Variants in MAP3K7 observed in about 807,000 individuals in gnomAD.
MAP3K7 encodes the protein TGF-beta activated kinase 1.
A neutral mutation model predicts 84.8 loss-of-function variants in MAP3K7; 21 were observed. The observed-to-expected ratio is 0.25, with a 90% CI of 0.18 to 0.36. The LOEUF is 0.36. Ranked by LOEUF, MAP3K7 falls within the 10% of genes least tolerant of loss-of-function variation. The probability of loss-of-function intolerance (pLI) is 1.00; values close to 1 mark genes in which losing one functional copy is unlikely to be tolerated. For missense variants in MAP3K7, 503 were observed against 747.7 expected, an observed-to-expected ratio of 0.67 and a Z score of 3.82; for synonymous variants, 241 against 247.7, an observed-to-expected ratio of 0.97 and a Z score of 0.25.
chr6:90,513,808 G>A lies in MAP3K7; in HGVS notation c.*2693C>T, dbSNP rs1774875379. On this transcript the variant is annotated 3_prime_UTR_variant, in exon 17 of 17. Transcript: ENST00000369329. ...TTCACAGGGAAGACCTGTGATCTCT[G>A]GCTACAGGAGCTGAAATTAGGAACA... 1 of 151,996 alleles carries A rather than the reference G, an allele frequency of 6.6e-6. No homozygotes were observed. Among genetic ancestry groups the A allele is most frequent in the African/African-American group, 2.4e-5 (1 of 41,384 alleles). 9.4% of individuals were successfully genotyped at this position (151,996 alleles called of 1,614,324 possible).
chr6:90,579,358 T>C (rs1055548674), intron 1 of MAP3K7, among the ~76,000 whole-genome samples: 3 of 152,174 alleles, frequency 2.0e-5, no homozygotes, highest in Non-Finnish European at 4.4e-5. Flanking sequence ...CTGTCTCTGC[T>C]TAAGAGTTCT....
At position 90,556,572 on chromosome 6, in the gene MAP3K7, C is replaced by A; in HGVS notation, c.535G>T (p.Ala179Ser). Reference protein sequence around the residue: ...TVLKICDFGTACDIQTHMTNN... With the variant: ...TVLKICDFGTSCDIQTHMTNN... ...GTCATGTGTGTCTGAATGTCACAGG[C>A]TGTACCAAAATCACAAATTTTTAGA... The change falls in exon 6 of 17, where the codon GCC becomes TCC. Residue 179 changes from alanine (A) to serine (S), a missense_variant. Coordinates refer to ENST00000369329, the MANE Select transcript of MAP3K7 (RefSeq NM_145331.3). The A allele has an allele frequency of 6.2e-7, 1 of 1,613,378 alleles. No individual in the cohort carries two copies. The highest frequency in any genetic ancestry group is 8.5e-7 in the Non-Finnish European group (1 of 1,179,662).
Position 90,583,788 on chromosome 6 carries a change from AAC to A in MAP3K7, c.120+2974_120+2975del, listed in dbSNP as rs1212442945. 3.3e-5 allele frequency among the ~76,000 whole-genome samples: 5 copies of A among 152,296 alleles called. No individual in the cohort carries two copies. The East Asian group carries it at 9.6e-4, about 29-fold the overall frequency. The stretch of plus-strand genomic sequence containing the variant: ...CACTTTCCACTATACTACCCTGTGT[AAC>A]ACTTCTTGCAACCCATCCCCTCTTT... On this transcript the variant is annotated intron_variant, in intron 1 of 16. Coordinates refer to ENST00000369329, the MANE Select transcript of MAP3K7 (RefSeq NM_145331.3).
intron 6 of MAP3K7, 92 bp from the exon 7 acceptor site, chr6:90,553,678 G>A: frequency 5.7e-6 from 6 of 1,055,116 alleles, no homozygotes; most frequent in Non-Finnish European, 8.3e-6. Flanking sequence ...TGGGTATCAG[G>A]GATAAAAATG....
Position 90,586,858 on chromosome 6 carries a change from G to A in MAP3K7, c.26C>T (p.Ser9Phe), listed in dbSNP as rs139666795. 458 of 1,611,302 alleles carry A rather than the reference G, an allele frequency of 2.8e-4. No homozygotes were observed. The highest frequency in any genetic ancestry group is 3.8e-4 in the Non-Finnish European group (444 of 1,178,758). Residue 9 changes from serine (S) to phenylalanine (F), a missense_variant, in exon 1 of 17, where the codon TCC becomes TTC. This residue lies in a region of MAP3K7 where 41 missense variants were observed against 41.4 expected (regional missense o/e 0.99). Coordinates refer to ENST00000369329, the MANE Select transcript of MAP3K7 (RefSeq NM_145331.3). MSTASAASSSSSSSAGEMI... is the reference protein window; with the variant it reads MSTASAASFSSSSSAGEMI... Reference sequence around the variant, plus strand: ...CTCACCGGCCGAAGACGAGGAGGAGGAGGAGGCGGCAGAGGCTGTAGACAT... The same window carrying A: ...CTCACCGGCCGAAGACGAGGAGGAGAAGGAGGCGGCAGAGGCTGTAGACAT...
chr6:90,557,581 G>A (rs1776375792), intron 5 of MAP3K7, among the ~76,000 whole-genome samples: 1 of 151,940 alleles, frequency 6.6e-6, no homozygotes, highest in African/African-American at 2.4e-5. Flanking sequence ...CTTTTTTCCC[G>A]CATCTCAATG....
In MAP3K7 at chr6:90,564,211, C is replaced by T. The variant is rs561493032; in HGVS notation, c.298-2544G>A. Among the ~76,000 whole-genome samples, 10 of 152,282 alleles carry T rather than the reference C, an allele frequency of 6.6e-5. No individual in the cohort carries two copies. The East Asian group carries it at 1.9e-3, about 29-fold the overall frequency. Reference sequence around the variant, plus strand: ...TCATAATGACAGGATCAAATTCACACATAACAATATTCACCTTAAATGTAA... The same window carrying T: ...TCATAATGACAGGATCAAATTCACATATAACAATATTCACCTTAAATGTAA... On this transcript the variant is annotated intron_variant, in intron 3 of 16. Transcript: ENST00000369329.
intron 14 of MAP3K7, among the ~76,000 whole-genome samples, chr6:90,522,209 C>G (rs1402509945): frequency 6.6e-6 from 1 of 151,934 alleles, no homozygotes; most frequent in Non-Finnish European, 1.5e-5. Context: ...TTTCTAGGTA[C>G]AGAAAAAGAA....
chr6:90,547,720 T>C (rs930340214), intron 10 of MAP3K7, among the ~76,000 whole-genome samples: 1 of 152,168 alleles, frequency 6.6e-6, no homozygotes, highest in African/African-American at 2.4e-5. Context: ...CAGCATGAAA[T>C]GATAGACTTA....
rs757971196 is a variant in MAP3K7 at position 90,549,265 on chromosome 6, G to T, written c.950-1088C>A. ...ATTTTCTCAGAGAAAGAGCAAACAA[G>T]ATCAGCTGAGAGTGAGGAGTGGCGA... On this transcript the variant is annotated intron_variant, in intron 9 of 16. Coordinates refer to ENST00000369329, the MANE Select transcript of MAP3K7 (RefSeq NM_145331.3). Among the ~76,000 whole-genome samples, 148 of 152,184 alleles carry T rather than the reference G, an allele frequency of 9.7e-4. 1 individual carries two copies. Among genetic ancestry groups the T allele is most frequent in the Non-Finnish European group, 1.6e-3 (107 of 68,038 alleles).
chr6:90,577,846 T>C (rs1777138682), intron 1 of MAP3K7, among the ~76,000 whole-genome samples: 1 of 152,224 alleles, frequency 6.6e-6, no homozygotes, highest in South Asian at 2.1e-4. Flanking sequence ...GTAGTTTCAA[T>C]GTTTGAAAAT....
At chr6:90,524,771 G>C (rs1469794936) in intron 13 of MAP3K7, among the ~76,000 whole-genome samples, 1 of 152,058 alleles carries the variant, frequency 6.6e-6, no homozygotes, top group Non-Finnish European at 1.5e-5. Flanking sequence ...CAGAAACAGT[G>C]AATTTATAGA....
intron 13 of MAP3K7, among the ~76,000 whole-genome samples, chr6:90,534,709 T>C (rs1319015948): frequency 6.6e-6 from 1 of 152,200 alleles, no homozygotes; most frequent in African/African-American, 2.4e-5. Flanking sequence ...AGTCCTGAAT[T>C]ATGGCAACAC....
chr6:90,570,755 A>T (rs901117752), intron 2 of MAP3K7, among the ~76,000 whole-genome samples: 6 of 152,198 alleles, frequency 3.9e-5, no homozygotes, highest in African/African-American at 1.4e-4. Flanking sequence ...TGTTTAACAC[A>T]TATGCTATTT....
At chr6:90,522,156 G>A (rs531670179) in intron 14 of MAP3K7, among the ~76,000 whole-genome samples, 1 of 152,218 alleles carries the variant, frequency 6.6e-6, no homozygotes, top group South Asian at 2.1e-4. Flanking sequence ...ACAAAATTCA[G>A]CTGATATTGC....
intron 14 of MAP3K7, among the ~76,000 whole-genome samples, chr6:90,520,307 C>CA (rs1311348158): frequency 1.3e-5 from 2 of 151,632 alleles, no homozygotes; most frequent in Admixed American, 6.6e-5. Flanking sequence ...GTATGCAATC[C>CA]AAAAAAACTC....
At chr6:90,561,801 A>G (rs1313947392) in intron 3 of MAP3K7, 134 bp from the exon 4 acceptor site, 3 of 659,398 alleles carry the variant, frequency 4.5e-6, no homozygotes, top group East Asian at 2.7e-5. Flanking sequence ...CTATGTGAAT[A>G]GTACTAGGGA....
At chr6:90,535,592 A>G (rs568724447) in intron 13 of MAP3K7, among the ~76,000 whole-genome samples, 3 of 152,210 alleles carry the variant, frequency 2.0e-5, no homozygotes, top group South Asian at 4.1e-4. Flanking sequence ...AATAAATTAT[A>G]TATGTCAAGT....
intron 3 of MAP3K7, among the ~76,000 whole-genome samples, chr6:90,568,150 A>C (rs1220406466): frequency 2.0e-5 from 3 of 152,252 alleles, no homozygotes; most frequent in Non-Finnish European, 4.4e-5. Flanking sequence ...CCAACATGGC[A>C]AATGTATACA....
Sources: gnomAD v4.1 joint callset for allele counts (sites outside exome capture counted in the v4.1 genomes callset) on GRCh38, gnomAD v4.1.1 for gene constraint, gnomAD v4.1.1 regional missense constraint, MANE v1.5 for transcripts, NCBI Gene and HGNC (gene_info 2026-07-23, HGNC 2026-07-21) for gene names.